GPC5: variants seen among roughly 807,000 people sequenced by gnomAD.
GPC5 encodes glypican-5.
GPC5 carries 47 observed loss-of-function variants against 53.9 expected under a neutral mutation model. The ratio of observed to expected loss-of-function variants is 0.87; its 90% CI spans 0.69 to 1.11. The LOEUF (loss-of-function observed/expected upper bound fraction) is 1.11, where lower values mean the gene tolerates loss of function less well. GPC5 is among the 50% of genes most tolerant of loss of function. GPC5 has a pLI of 0.00. For synonymous variants in GPC5, 286 were observed against 263.3 expected, an observed-to-expected ratio of 1.09 and a Z score of -0.84; for missense variants, 748 against 713.1, an observed-to-expected ratio of 1.05 and a Z score of -0.56.
intron 7 of GPC5, among the ~76,000 whole-genome samples, chr13:92,518,668 A>G (rs1414804899): frequency 6.6e-6 from 1 of 152,238 alleles, no homozygotes; most frequent in African/African-American, 2.4e-5. Flanking sequence ...CAGCCACTGC[A>G]AAAACATGAC....
intron 7 of GPC5, among the ~76,000 whole-genome samples, chr13:92,551,035 GCAGAAA>G (rs1255451881): frequency 6.6e-6 from 1 of 151,874 alleles, no homozygotes; most frequent in African/African-American, 2.4e-5. Context: ...CACAGAAGAT[GCAGAAA>G]ACAATGCTGA....
At chr13:92,568,745 T>G (rs1246558198) in intron 7 of GPC5, among the ~76,000 whole-genome samples, 3 of 152,164 alleles carry the variant, frequency 2.0e-5, no homozygotes, top group Admixed American at 2.0e-4. Context: ...AAGAAATCAG[T>G]GAACACAATG....
At chr13:91,802,859 T>C (rs1211757259) in intron 5 of GPC5, among the ~76,000 whole-genome samples, 1 of 152,178 alleles carries the variant, frequency 6.6e-6, no homozygotes. Context: ...CTGAGCATTG[T>C]TGGTTCTTAG....
Position 92,768,734 on chromosome 13 carries a change from A to C in GPC5, c.1562-97548A>C, listed in dbSNP as rs1439134083. Among the ~76,000 whole-genome samples the C allele has an allele frequency of 1.4e-4, 21 of 150,956 alleles. No individual in the cohort carries two copies. In the Admixed American group the frequency reaches 1.4e-3, roughly 10 times the overall value. On this transcript the variant is annotated intron_variant, in intron 7 of 7. Transcript: ENST00000377067. Reference sequence around the variant, plus strand: ...TTGACTCTCTTCCCCCTGTCTTGCCACTGCTGCTCATAATTCATATTCTCA... The same window carrying C: ...TTGACTCTCTTCCCCCTGTCTTGCCCCTGCTGCTCATAATTCATATTCTCA...
At chr13:92,821,134 T>C (rs527806319) in intron 7 of GPC5, among the ~76,000 whole-genome samples, 72 of 152,274 alleles carry the variant, frequency 4.7e-4, no homozygotes, top group African/African-American at 1.7e-3. Flanking sequence ...GCATTTGTAT[T>C]TGGAGTCACT....
At chr13:92,165,096 A>G (rs1318979383) in intron 7 of GPC5, among the ~76,000 whole-genome samples, 1 of 152,192 alleles carries the variant, frequency 6.6e-6, no homozygotes, top group Non-Finnish European at 1.5e-5. Flanking sequence ...GGCTGCCGTG[A>G]AAGTTTCTGA....
At chr13:92,699,062 T>G (rs529558575) in intron 7 of GPC5, among the ~76,000 whole-genome samples, 1 of 152,126 alleles carries the variant, frequency 6.6e-6, no homozygotes, top group Non-Finnish European at 1.5e-5. Flanking sequence ...TCCTAGACTT[T>G]TTTTTTGGTT....
chr13:92,114,222 G>A (rs1047763400), intron 6 of GPC5, among the ~76,000 whole-genome samples: 7 of 152,166 alleles, frequency 4.6e-5, no homozygotes, highest in African/African-American at 1.7e-4. Flanking sequence ...GCAACACAGA[G>A]GAATTCATGG....
rs187641089 is a variant in GPC5 at position 91,469,915 on chromosome 13, C to T, written c.325+20993C>T. Among the ~76,000 whole-genome samples the T allele has an allele frequency of 1.8e-4, 28 of 152,250 alleles. No homozygotes were observed. The East Asian group carries it at 5.2e-3, about 28-fold the overall frequency. The stretch of plus-strand genomic sequence containing the variant: ...ATTAGCTGGGCAGGGTGGCGTGTGC[C>T]TGTAATTCCAGCTTCTCAGGAGGCT... On this transcript the variant is annotated intron_variant, in intron 2 of 7. Coordinates refer to ENST00000377067, the MANE Select transcript of GPC5 (RefSeq NM_004466.6).
intron 7 of GPC5, among the ~76,000 whole-genome samples, chr13:92,259,923 T>C (rs76600760): frequency 3.9e-5 from 6 of 152,118 alleles, no homozygotes; most frequent in African/African-American, 1.4e-4. Context: ...TCCTGCCAGC[T>C]GTCTCAGGAG....
At chr13:92,295,502 G>A (rs1235797181) in intron 7 of GPC5, among the ~76,000 whole-genome samples, 1 of 152,122 alleles carries the variant, frequency 6.6e-6, no homozygotes, top group Admixed American at 6.5e-5. Context: ...TAAATCCATT[G>A]TTTCTTTGTT....
At chr13:92,163,325 G>C (rs1428904926) in intron 7 of GPC5, among the ~76,000 whole-genome samples, 1 of 151,988 alleles carries the variant, frequency 6.6e-6, no homozygotes, top group Non-Finnish European at 1.5e-5. Context: ...GCCAGGCATG[G>C]TGGTGCATGT....
chr13:91,963,149 T>A (rs921244172), intron 6 of GPC5, among the ~76,000 whole-genome samples: 10 of 152,168 alleles, frequency 6.6e-5, no homozygotes, highest in African/African-American at 2.4e-4. Flanking sequence ...CATAATTTTG[T>A]ACCTATTAGG....
intron 7 of GPC5, among the ~76,000 whole-genome samples, chr13:92,159,489 G>C (rs1432601102): frequency 6.6e-6 from 1 of 150,824 alleles, no homozygotes; most frequent in Non-Finnish European, 1.5e-5. Flanking sequence ...TTGTCCATTT[G>C]AGAAGCATAC....
At chr13:92,025,493 G>A (rs920424219) in intron 6 of GPC5, among the ~76,000 whole-genome samples, 1 of 152,096 alleles carries the variant, frequency 6.6e-6, no homozygotes, top group Non-Finnish European at 1.5e-5. Flanking sequence ...GCAGATAAGC[G>A]GACAAAGTAG....
At position 91,687,093 on chromosome 13, in the gene GPC5, G is replaced by T. The variant is rs909159887; in HGVS notation, c.326-6094G>T. 4.0e-5 allele frequency among the ~76,000 whole-genome samples: 6 copies of T among 151,856 alleles called. No homozygotes were observed. In the East Asian group the frequency reaches 9.7e-4, roughly 24 times the overall value. On this transcript the variant is annotated intron_variant, in intron 2 of 7. Transcript: ENST00000377067. ...ATCAAAAATAAAAAATATTAAAAGG[G>T]TCATAAAATATAAGTACATGTCATG... is the stretch of plus-strand genomic sequence containing the variant.
At chr13:91,922,171 A>T (rs1473658218) in intron 6 of GPC5, among the ~76,000 whole-genome samples, 2 of 152,222 alleles carry the variant, frequency 1.3e-5, no homozygotes, top group African/African-American at 4.8e-5. Context: ...CAGGTTGATT[A>T]TGATTGTCTC....
intron 7 of GPC5, among the ~76,000 whole-genome samples, chr13:92,527,237 GA>G (rs1433201093): frequency 2.7e-5 from 1 of 37,084 alleles, no homozygotes; most frequent in East Asian, 1.5e-3. Flanking sequence ...AAGAAAGAAA[GA>G]AAGAAAGAAA....
At chr13:92,087,936 C>CTT (rs796592368) in intron 6 of GPC5, among the ~76,000 whole-genome samples, 1 of 144,928 alleles carries the variant, frequency 6.9e-6, no homozygotes, top group Non-Finnish European at 1.5e-5. Flanking sequence ...CTTCCAACTA[C>CTT]TTTTTTTTTT....
Sources: allele counts gnomAD v4.1 joint callset (sites outside exome capture counted in the v4.1 genomes callset), GRCh38; gene constraint gnomAD v4.1.1; transcripts MANE v1.5; gene names NCBI Gene and HGNC (gene_info 2026-07-23, HGNC 2026-07-21).